The following PTPRG variants were observed in gnomAD, a reference collection of about 807,000 sequenced individuals.
PTPRG encodes the protein protein tyrosine phosphatase receptor type G.
Under a neutral mutation model 165.3 loss-of-function variants are expected in PTPRG, and 102 were observed. The ratio of observed to expected loss-of-function variants is 0.62; its 90% CI spans 0.53 to 0.73. PTPRG has a LOEUF of 0.73. Among genes scored for constraint, PTPRG ranks in the 30% least tolerant of loss-of-function variants. The probability of loss-of-function intolerance (pLI) is 0.00; values close to 1 mark genes in which losing one functional copy is unlikely to be tolerated. For synonymous variants in PTPRG, 675 were observed against 669.5 expected (o/e 1.01, Z -0.13); for missense variants, 1,866 against 1,861.4 (o/e 1.00, Z -0.05).
chr3:61,817,712 G>C (rs1022909246), intron 2 of PTPRG, among the ~76,000 whole-genome samples: 40 of 152,196 alleles, frequency 2.6e-4, no homozygotes, highest in Non-Finnish European at 5.6e-4. Context: ...GCATATTGCA[G>C]ATGCCCATGG....
chr3:62,100,522 C>T (rs147045422), intron 5 of PTPRG, among the ~76,000 whole-genome samples: 30 of 152,106 alleles, frequency 2.0e-4, no homozygotes, highest in African/African-American at 6.8e-4. Context: ...GATTTGGCAT[C>T]CCTTCAGTTA....
chr3:62,230,903 A>C (rs1196977073), intron 13 of PTPRG, among the ~76,000 whole-genome samples: 2 of 152,188 alleles, frequency 1.3e-5, no homozygotes, highest in Non-Finnish European at 2.9e-5. Context: ...AAGGTGGAAG[A>C]GTGGGTATAT....
intron 2 of PTPRG, among the ~76,000 whole-genome samples, chr3:61,868,789 C>T (rs2037480377): frequency 6.6e-6 from 1 of 152,034 alleles, no homozygotes; most frequent in Non-Finnish European, 1.5e-5. Flanking sequence ...CTCTCTAGTT[C>T]TCATGTTATT....
chr3:61,820,603 G>GTTTTTTTTTTTTTTTTTTT (rs11329820), intron 2 of PTPRG, among the ~76,000 whole-genome samples: 16 of 65,728 alleles, frequency 2.4e-4, no homozygotes, highest in African/African-American at 9.1e-4. Context: ...CTGTGTCTCT[G>GTTTTTTTTTTTTTTTTTTT]TTTTTTTTTT....
intron 2 of PTPRG, among the ~76,000 whole-genome samples, chr3:61,841,989 G>A (rs1340816138): frequency 6.6e-6 from 1 of 152,212 alleles, no homozygotes; most frequent in Non-Finnish European, 1.5e-5. Context: ...TATGCACAGA[G>A]TTTGTTGTGA....
chr3:62,196,996 G>A (rs1245303358), intron 10 of PTPRG, among the ~76,000 whole-genome samples: 2 of 152,200 alleles, frequency 1.3e-5, no homozygotes, highest in African/African-American at 2.4e-5. Flanking sequence ...CCTGGGGCAG[G>A]GGGCGTTATC....
At chr3:61,766,347 C>T (rs2034014521) in intron 2 of PTPRG, among the ~76,000 whole-genome samples, 1 of 152,226 alleles carries the variant, frequency 6.6e-6, no homozygotes, top group African/African-American at 2.4e-5. Flanking sequence ...GATTCTTTCT[C>T]ACATCCCAGA....
chr3:61,809,708 G>A (rs1233784975), intron 2 of PTPRG, among the ~76,000 whole-genome samples: 1 of 152,176 alleles, frequency 6.6e-6, no homozygotes. Context: ...GTATTAATAT[G>A]AAGGGGAATA....
At position 62,224,631 on chromosome 3, in the gene PTPRG, T is replaced by C. The variant is rs888053909; in HGVS notation, c.2288+5648T>C. ...ATATGTTTCCTGAAAGGGAGAACTT[T>C]GGAGACCAATCATTAGTCTGTACTT... On this transcript the variant is annotated intron_variant, in intron 13 of 29. Coordinates refer to ENST00000474889, the MANE Select transcript of PTPRG (RefSeq NM_002841.4). This position sits in a 1 kb window ranked among gnomAD's most constrained non-coding sequence, Gnocchi z 4.9. 6.6e-6 allele frequency among the ~76,000 whole-genome samples: 1 copy of C among 152,232 alleles called. No individual in the cohort carries two copies. The highest frequency in any genetic ancestry group is 2.1e-4 in the South Asian group (1 of 4,832).
chr3:62,292,377 C>T (rs1404104223), intron 28 of PTPRG, 44 bp from the exon 29 acceptor site: 3 of 1,578,840 alleles, frequency 1.9e-6, no homozygotes, highest in Non-Finnish European at 2.6e-6. Context: ...TATATTTGGT[C>T]CCTTTGTACA....
At chr3:61,700,586 C>T (rs1231053560) in intron 1 of PTPRG, among the ~76,000 whole-genome samples, 1 of 152,150 alleles carries the variant, frequency 6.6e-6, no homozygotes, top group African/African-American at 2.4e-5. Flanking sequence ...AGCCGTGATA[C>T]TTCAGTGAAG....
intron 1 of PTPRG, among the ~76,000 whole-genome samples, chr3:61,653,534 G>A (rs1702419256): frequency 6.6e-6 from 1 of 151,946 alleles, no homozygotes; most frequent in African/African-American, 2.4e-5. Flanking sequence ...TGTATGCCAG[G>A]CACCCCTGCT....
intron 1 of PTPRG, among the ~76,000 whole-genome samples, chr3:61,656,386 A>G (rs1289880710): frequency 6.6e-6 from 1 of 152,194 alleles, no homozygotes. Context: ...CATAGCCCCC[A>G]ATTTACATAT....
At chr3:61,963,979 G>C (rs2040213626) in intron 2 of PTPRG, among the ~76,000 whole-genome samples, 1 of 152,174 alleles carries the variant, frequency 6.6e-6, no homozygotes, top group Non-Finnish European at 1.5e-5. Flanking sequence ...ATATGTTTAA[G>C]TGGATGTAAT....
At chr3:62,111,484 C>A (rs1174108153) in intron 5 of PTPRG, among the ~76,000 whole-genome samples, 5 of 152,216 alleles carry the variant, frequency 3.3e-5, no homozygotes, top group Non-Finnish European at 5.9e-5. Flanking sequence ...AGGTCTTTCT[C>A]TGTCACCCAG....
At chr3:61,918,464 T>C (rs1559688111) in intron 2 of PTPRG, among the ~76,000 whole-genome samples, 1 of 152,204 alleles carries the variant, frequency 6.6e-6, no homozygotes, top group Non-Finnish European at 1.5e-5. Context: ...ACTCTGAAGA[T>C]ACTGTTGGGT....
intron 5 of PTPRG, among the ~76,000 whole-genome samples, chr3:62,088,117 G>A (rs943391539): frequency 6.6e-6 from 1 of 152,216 alleles, no homozygotes; most frequent in Non-Finnish European, 1.5e-5. Context: ...GGGAATGGGG[G>A]TTTTGCCCCA....
intron 1 of PTPRG, among the ~76,000 whole-genome samples, chr3:61,612,310 G>A (rs949880513): frequency 2.0e-5 from 3 of 152,186 alleles, no homozygotes; most frequent in Admixed American, 2.0e-4. Context: ...ATTTAAAGAG[G>A]TTCTCTGGTG....
In PTPRG at chr3:62,270,805, TA is replaced by T. The variant is rs1308064628; in HGVS notation, c.3010-573del. Among the ~76,000 whole-genome samples, 45 of 152,260 alleles carry T rather than the reference TA, an allele frequency of 3.0e-4. 1 individual carries two copies. The highest frequency in any genetic ancestry group is 1.1e-3 in the African/African-American group (44 of 41,574). ...TATTTCATCTAAAGTAGTTAAAATGTAAAAAGTTCAGACACTTAAAGGAAAA... is the reference window on the plus strand; with the variant it reads ...TATTTCATCTAAAGTAGTTAAAATGTAAAAGTTCAGACACTTAAAGGAAAA... On this transcript the variant is annotated intron_variant, in intron 20 of 29. Coordinates refer to ENST00000474889, the MANE Select transcript of PTPRG (RefSeq NM_002841.4).
Sources: allele counts gnomAD v4.1 joint callset (sites outside exome capture counted in the v4.1 genomes callset), GRCh38; gene constraint gnomAD v4.1.1; non-coding constraint Gnocchi (gnomAD v3.1); transcripts MANE v1.5; gene names NCBI Gene and HGNC (gene_info 2026-07-23, HGNC 2026-07-21).